FAR2: variants seen among roughly 807,000 people sequenced by gnomAD.
FAR2 encodes epididymis secretory protein Li 81.
Under a neutral mutation model 56.0 loss-of-function variants are expected in FAR2, and 19 were observed. The ratio of observed to expected loss-of-function variants is 0.34; its 90% CI spans 0.24 to 0.50. The LOEUF (loss-of-function observed/expected upper bound fraction) is 0.50, where lower values mean the gene tolerates loss of function less well. Among genes scored for constraint, FAR2 ranks in the 20% least tolerant of loss-of-function variants. The pLI is 0.98. For synonymous variants in FAR2, 219 were observed against 218.8 expected (o/e 1.00, Z -0.01); for missense variants, 508 against 642.2 (o/e 0.79, Z 2.26).
intron 3 of FAR2, among the ~76,000 whole-genome samples, chr12:29,294,659 T>C (rs908657840): frequency 4.6e-5 from 7 of 152,248 alleles, no homozygotes; most frequent in African/African-American, 1.7e-4. Flanking sequence ...CATTAAATTC[T>C]TCATCTTTTA....
chr12:29,252,534 C>G (rs547546808), intron 1 of FAR2, among the ~76,000 whole-genome samples: 5 of 152,240 alleles, frequency 3.3e-5, no homozygotes, highest in African/African-American at 1.2e-4. Flanking sequence ...TTCTTTCTTT[C>G]CTCTTTTGTC....
At chr12:29,241,486 T>C (rs1948034110) in intron 1 of FAR2, among the ~76,000 whole-genome samples, 2 of 152,134 alleles carry the variant, frequency 1.3e-5, no homozygotes, top group South Asian at 4.1e-4. Context: ...TTCCCTTCTC[T>C]GCAGGAAAAA....
At chr12:29,187,535 G>A (rs1249060450) in intron 1 of FAR2, among the ~76,000 whole-genome samples, 2 of 152,160 alleles carry the variant, frequency 1.3e-5, no homozygotes, top group East Asian at 3.8e-4. Flanking sequence ...TTTAGATCAT[G>A]AGAAAGAGGC....
chr12:29,163,610 A>G (rs1415018888), intron 1 of FAR2, among the ~76,000 whole-genome samples: 2 of 152,210 alleles, frequency 1.3e-5, no homozygotes, highest in African/African-American at 2.4e-5. Context: ...CTTAATAAAT[A>G]TGATTTGAAT....
chr12:29,314,072 C>T (rs1458789624), intron 8 of FAR2, among the ~76,000 whole-genome samples: 1 of 152,170 alleles, frequency 6.6e-6, no homozygotes. Context: ...AAGCATTAAG[C>T]ATTTTTCATT....
chr12:29,216,608 C>T (rs914702385), intron 1 of FAR2, among the ~76,000 whole-genome samples: 1 of 152,172 alleles, frequency 6.6e-6, no homozygotes, highest in Non-Finnish European at 1.5e-5. Flanking sequence ...CCATCAACTG[C>T]ACTTTATGCC....
chr12:29,329,594 G>A (rs1218721516), intron 10 of FAR2, among the ~76,000 whole-genome samples: 1 of 152,102 alleles, frequency 6.6e-6, no homozygotes, highest in Non-Finnish European at 1.5e-5. Flanking sequence ...AAAAGCCTCT[G>A]CTTATATGAA....
intron 1 of FAR2, among the ~76,000 whole-genome samples, chr12:29,165,059 T>A (rs1949813262): frequency 6.6e-6 from 1 of 152,208 alleles, no homozygotes; most frequent in Non-Finnish European, 1.5e-5. Flanking sequence ...AGCACAGAAG[T>A]TCTTACTATT....
chr12:29,258,816 A>T (rs1948371057), intron 1 of FAR2, among the ~76,000 whole-genome samples: 1 of 152,232 alleles, frequency 6.6e-6, no homozygotes, highest in Non-Finnish European at 1.5e-5. Flanking sequence ...GGTTGAATGA[A>T]ATTGAGAAGC....
Position 29,260,280 on chromosome 12 carries a change from A to G in FAR2, c.-38-10132A>G, listed in dbSNP as rs529911979. 3.2e-4 allele frequency among the ~76,000 whole-genome samples: 48 copies of G among 152,316 alleles called. No individual in the cohort carries two copies. In the South Asian group the frequency reaches 5.0e-3, roughly 16 times the overall value. ...AAGCCATATCTTGAATGTGGAGGCA[A>G]GAGGTAGAAGAAACATCTCTGATGC... On this transcript the variant is annotated intron_variant, in intron 1 of 11. Coordinates refer to ENST00000536681, the MANE Select transcript of FAR2 (RefSeq NM_001271783.2).
chr12:29,299,421 C>T (rs1454990764), intron 4 of FAR2, among the ~76,000 whole-genome samples: 1 of 152,094 alleles, frequency 6.6e-6, no homozygotes, highest in East Asian at 1.9e-4. Context: ...TCCATCCTCC[C>T]TCAAGTATAT....
intron 2 of FAR2, chr12:29,277,880 G>A (rs1591921127): frequency 6.6e-6 from 1 of 150,576 alleles, no homozygotes; most frequent in East Asian, 1.9e-4. Context: ...GAGCATTTTG[G>A]TGCTATAGTA....
intron 1 of FAR2, among the ~76,000 whole-genome samples, chr12:29,234,741 CTCT>C (rs982079278): frequency 5.9e-5 from 9 of 152,190 alleles, no homozygotes; most frequent in African/African-American, 2.2e-4. Context: ...CCTCCCTTCA[CTCT>C]TCTTCTCCTG....
At chr12:29,187,509 G>A (rs1018788881) in intron 1 of FAR2, among the ~76,000 whole-genome samples, 16 of 152,172 alleles carry the variant, frequency 1.1e-4, no homozygotes, top group African/African-American at 3.9e-4. Context: ...AGTATATTGA[G>A]CCTGTACATG....
chr12:29,300,782 A>AT (rs1318450878), intron 4 of FAR2, among the ~76,000 whole-genome samples: 10 of 152,186 alleles, frequency 6.6e-5, no homozygotes, highest in Admixed American at 6.5e-4. Flanking sequence ...TACTCTTGGC[A>AT]TTATATTCTC....
chr12:29,205,029 A>T (rs1947463046), intron 1 of FAR2, among the ~76,000 whole-genome samples: 1 of 152,198 alleles, frequency 6.6e-6, no homozygotes, highest in Non-Finnish European at 1.5e-5. Flanking sequence ...TGCTCTTACA[A>T]GATCTTTTTC....
intron 1 of FAR2, among the ~76,000 whole-genome samples, chr12:29,208,345 C>G (rs139712156): frequency 1.3e-5 from 2 of 152,322 alleles, no homozygotes; most frequent in South Asian, 2.1e-4. Context: ...ACAGGCTAGA[C>G]AGGGCAGTCT....
intron 1 of FAR2, among the ~76,000 whole-genome samples, chr12:29,159,527 A>G (rs914423597): frequency 1.3e-5 from 2 of 151,638 alleles, no homozygotes; most frequent in African/African-American, 4.8e-5. Context: ...CTCGGAAAAA[A>G]AAAAAAAAGA....
intron 1 of FAR2, among the ~76,000 whole-genome samples, chr12:29,169,240 A>G (rs962653452): frequency 6.6e-6 from 1 of 152,174 alleles, no homozygotes; most frequent in African/African-American, 2.4e-5. Flanking sequence ...TTCCTGCTGG[A>G]TAGGGGCAAA....
Sources: gnomAD v4.1 joint callset for allele counts (sites outside exome capture counted in the v4.1 genomes callset) on GRCh38, gnomAD v4.1.1 for gene constraint, MANE v1.5 for transcripts, NCBI Gene and HGNC (gene_info 2026-07-23, HGNC 2026-07-21) for gene names.